Variants in FARS2 observed in about 807,000 individuals in gnomAD.
The protein encoded by FARS2 is phenylalanyl-tRNA synthetase 2, mitochondrial.
In FARS2, 40 loss-of-function variants were observed where a neutral mutation model predicts 46.4. The ratio of observed to expected loss-of-function variants is 0.86; its 90% confidence interval spans 0.67 to 1.12. The LOEUF (loss-of-function observed/expected upper bound fraction) is 1.12, where lower values mean the gene tolerates loss of function less well. Ranked by LOEUF, FARS2 falls within the 50% of genes most tolerant of loss-of-function variation. FARS2 has a pLI of 0.00. For synonymous variants in FARS2, 234 were observed against 214.9 expected, an observed-to-expected ratio of 1.09 and a Z score of -0.78; for missense variants, 513 against 567.9, an observed-to-expected ratio of 0.90 and a Z score of 0.98.
chr6:5,484,027 C>T (rs1766632000), intron 4 of FARS2, among the ~76,000 whole-genome samples: 1 of 152,134 alleles, frequency 6.6e-6, no homozygotes. Flanking sequence ...TGCTTGAACC[C>T]AGGAGTTTGA....
At chr6:5,594,255 C>T (rs9378433) in intron 5 of FARS2, among the ~76,000 whole-genome samples, 19,528 of 152,154 alleles carry the variant, frequency 0.13, 1,687 homozygotes, top group East Asian at 0.33. Context: ...GCAGAGGATT[C>T]GTGCCTGAAG....
chr6:5,497,795 T>C (rs1420143331), intron 4 of FARS2, among the ~76,000 whole-genome samples: 1 of 152,248 alleles, frequency 6.6e-6, no homozygotes, highest in African/African-American at 2.4e-5. Flanking sequence ...ATTTTTAAAA[T>C]GTAATCCTTT....
intron 5 of FARS2, among the ~76,000 whole-genome samples, chr6:5,605,055 G>A (rs897923628): frequency 3.9e-5 from 6 of 152,182 alleles, no homozygotes; most frequent in East Asian, 3.8e-4. Flanking sequence ...GAGTCATGTC[G>A]TGGCTGCTTT....
At chr6:5,688,458 T>A (rs1757424496) in intron 6 of FARS2, among the ~76,000 whole-genome samples, 1 of 152,214 alleles carries the variant, frequency 6.6e-6, no homozygotes, top group South Asian at 2.1e-4. Context: ...ATTGAGATAA[T>A]CGTGTGGTTT....
chr6:5,263,314 A>T (rs1765324889), intron 1 of FARS2, among the ~76,000 whole-genome samples: 1 of 152,238 alleles, frequency 6.6e-6, no homozygotes, highest in South Asian at 2.1e-4. Flanking sequence ...TGGGTAGCTT[A>T]GTCCTCTGTT....
intron 4 of FARS2, among the ~76,000 whole-genome samples, chr6:5,474,135 G>A (rs1023436118): frequency 6.6e-6 from 1 of 152,166 alleles, no homozygotes; most frequent in Non-Finnish European, 1.5e-5. Context: ...TACTTCTCGA[G>A]CCATCATCAC....
intron 2 of FARS2, among the ~76,000 whole-genome samples, chr6:5,379,152 G>GTGCC (rs1759587806): frequency 6.6e-6 from 1 of 152,106 alleles, no homozygotes; most frequent in African/African-American, 2.4e-5. Context: ...CTCCTTAAGG[G>GTGCC]TGCCACTCTA....
upstream of FARS2, chr6:5,260,723 G>T: frequency 6.4e-7 from 1 of 1,550,864 alleles, no homozygotes; most frequent in Non-Finnish European, 8.7e-7. Flanking sequence ...TGCGCGACTG[G>T]AGGCTGCCAT....
chr6:5,669,131 C>T (rs1182473278), intron 6 of FARS2, among the ~76,000 whole-genome samples: 1 of 152,212 alleles, frequency 6.6e-6, no homozygotes, highest in African/African-American at 2.4e-5. Flanking sequence ...CCTGAAAAAA[C>T]AAACAGATGT....
chr6:5,381,891 C>T (rs566369036), intron 2 of FARS2, among the ~76,000 whole-genome samples: 2 of 152,286 alleles, frequency 1.3e-5, no homozygotes, highest in Admixed American at 1.3e-4. Flanking sequence ...AGTGGAAAGT[C>T]TCTCTCCGAG....
chr6:5,366,312 C>A (rs759422801), intron 1 of FARS2, among the ~76,000 whole-genome samples: 1 of 152,220 alleles, frequency 6.6e-6, no homozygotes, highest in Non-Finnish European at 1.5e-5. Flanking sequence ...GTATGAATGT[C>A]GTTGGTCTTA....
intron 4 of FARS2, among the ~76,000 whole-genome samples, chr6:5,485,015 G>C (rs1053078494): frequency 2.6e-5 from 4 of 152,198 alleles, no homozygotes; most frequent in Admixed American, 2.6e-4. Flanking sequence ...TGGGCACTCA[G>C]TTGGTGGAGA....
intron 2 of FARS2, among the ~76,000 whole-genome samples, chr6:5,396,277 T>C (rs563434430): frequency 6.6e-6 from 1 of 152,338 alleles, no homozygotes; most frequent in East Asian, 1.9e-4. Context: ...ATTCCAGTGA[T>C]GCTAAAGTTG....
At chr6:5,352,827 A>T (rs139781305) in intron 1 of FARS2, among the ~76,000 whole-genome samples, 64 of 152,180 alleles carry the variant, frequency 4.2e-4, no homozygotes, top group Non-Finnish European at 7.4e-4. Context: ...GGGTACAGTG[A>T]GATGCCTTGA....
At chr6:5,548,524 A>G (rs1771175986) in intron 5 of FARS2, among the ~76,000 whole-genome samples, 2 of 152,240 alleles carry the variant, frequency 1.3e-5, no homozygotes. Context: ...AAACCTGGCT[A>G]GGGCTGTAAC....
Position 5,274,493 on chromosome 6 carries a change from TC to T in FARS2, c.-22+12837del, listed in dbSNP as rs1314545014. ...AAGAGGGCTTACTTGTGTCATCTTC[TC>T]CCCTGCTTGGAATGCAAGTAATACT... is the stretch of plus-strand genomic sequence containing the variant. On this transcript the variant is annotated intron_variant, in intron 1 of 6. Transcript: ENST00000274680. Among the ~76,000 whole-genome samples, 3 of 152,084 alleles carry T rather than the reference TC, an allele frequency of 2.0e-5. 1 individual carries two copies. The highest frequency in any genetic ancestry group is 2.0e-4 in the Admixed American group (3 of 15,268).
intron 5 of FARS2, among the ~76,000 whole-genome samples, chr6:5,552,874 A>T (rs898072879): frequency 6.6e-6 from 1 of 151,866 alleles, no homozygotes; most frequent in African/African-American, 2.4e-5. Flanking sequence ...TGTTGCATAT[A>T]CTCCTGCCAA....
intron 6 of FARS2, among the ~76,000 whole-genome samples, chr6:5,625,267 A>G (rs1455133192): frequency 6.6e-6 from 1 of 152,150 alleles, no homozygotes; most frequent in East Asian, 1.9e-4. Flanking sequence ...AGCAGCACAG[A>G]CAGGTCTGGC....
chr6:5,721,273 T>G lies in FARS2; in HGVS notation c.1218-50018T>G, dbSNP rs374870154. On this transcript the variant is annotated intron_variant, in intron 6 of 6. Transcript: ENST00000274680. ...CTAGCTTCTTATACCAGCTTCTGTA[T>G]TCAGTCTGATGCTCTTAAGTTGTTT... Among the ~76,000 whole-genome samples the G allele has an allele frequency of 8.5e-5, 13 of 152,348 alleles. No individual in the cohort carries two copies. The East Asian group carries it at 2.3e-3, about 27-fold the overall frequency.
Sources: allele counts gnomAD v4.1 joint callset (sites outside exome capture counted in the v4.1 genomes callset), GRCh38; gene constraint gnomAD v4.1.1; transcripts MANE v1.5; gene names NCBI Gene and HGNC (gene_info 2026-07-23, HGNC 2026-07-21).